Variants in SMYD3 observed in about 807,000 individuals in gnomAD.
The protein encoded by SMYD3 is SET and MYND domain containing 3, also known as histone-lysine N-methyltransferase SMYD3.
In SMYD3, 36 loss-of-function variants were observed where a neutral mutation model predicts 57.7. That is an observed-to-expected ratio of 0.62 (90% CI 0.48 to 0.82). SMYD3 has a LOEUF of 0.82. Among genes scored for constraint, SMYD3 ranks in the 40% least tolerant of loss-of-function variants. SMYD3 has a pLI of 0.00. For missense variants in SMYD3, 515 were observed against 538.8 expected, an observed-to-expected ratio of 0.96 and a Z score of 0.44; for synonymous variants, 211 against 195.0, an observed-to-expected ratio of 1.08 and a Z score of -0.68.
chr1:246,045,212 T>G lies in SMYD3; in HGVS notation c.532-115275A>C, dbSNP rs187971099. On this transcript the variant is annotated intron_variant, in intron 5 of 11. Coordinates refer to ENST00000490107, the MANE Select transcript of SMYD3 (RefSeq NM_001167740.2). ...CAAAAGAACAAAGCTGGAGGCATCATGCTACCTGACTTCAAACTATATTAT... is the reference window on the plus strand; with the variant it reads ...CAAAAGAACAAAGCTGGAGGCATCAGGCTACCTGACTTCAAACTATATTAT... Among the ~76,000 whole-genome samples the G allele has an allele frequency of 9.8e-4, 149 of 152,296 alleles. 1 individual carries two copies. The East Asian group carries it at 0.011, about 11-fold the overall frequency.
At chr1:245,944,400 A>G (rs934319710) in intron 5 of SMYD3, among the ~76,000 whole-genome samples, 1 of 152,236 alleles carries the variant, frequency 6.6e-6, no homozygotes, top group Non-Finnish European at 1.5e-5. Flanking sequence ...TAATTGCTAC[A>G]AAGAGAATAA....
intron 5 of SMYD3, among the ~76,000 whole-genome samples, chr1:246,136,936 A>T (rs1572089454): frequency 6.6e-6 from 1 of 152,220 alleles, no homozygotes; most frequent in South Asian, 2.1e-4. Flanking sequence ...GAGTTCACGG[A>T]AAGTTTTTAA....
At chr1:246,254,013 T>A (rs2063838255) in intron 5 of SMYD3, among the ~76,000 whole-genome samples, 1 of 152,176 alleles carries the variant, frequency 6.6e-6, no homozygotes. Context: ...CACCAAAATC[T>A]GTTGTTTTTT....
At chr1:246,282,492 C>T (rs1319745323) in intron 5 of SMYD3, among the ~76,000 whole-genome samples, 1 of 150,360 alleles carries the variant, frequency 6.7e-6, no homozygotes, top group African/African-American at 2.4e-5. Flanking sequence ...GGCAACAGGG[C>T]AAGACCCTGT....
intron 10 of SMYD3, among the ~76,000 whole-genome samples, chr1:245,819,063 C>T (rs1246826572): frequency 8.3e-6 from 1 of 120,826 alleles, no homozygotes; most frequent in Non-Finnish European, 1.7e-5. Flanking sequence ...ATCTACAGAA[C>T]TCTCCACCCC....
chr1:246,448,704 T>TAAAAAAAAAAAA (rs1553349829), intron 1 of SMYD3, among the ~76,000 whole-genome samples: 1 of 81,436 alleles, frequency 1.2e-5, no homozygotes, highest in Non-Finnish European at 2.3e-5. Flanking sequence ...CTCTTTTTTT[T>TAAAAAAAAAAAA]AAAAAAAAAA....
At chr1:246,410,906 T>C (rs1032916767) in intron 1 of SMYD3, among the ~76,000 whole-genome samples, 2 of 152,248 alleles carry the variant, frequency 1.3e-5, no homozygotes, top group African/African-American at 4.8e-5. Context: ...TGGGAGAGTG[T>C]ATGTGTCGAG....
At chr1:246,035,294 T>C (rs934776371) in intron 5 of SMYD3, 1 of 152,230 alleles carries the variant, frequency 6.6e-6, no homozygotes, top group African/African-American at 2.4e-5. Flanking sequence ...GCTTTCAGAA[T>C]GGCGTTTATG....
At chr1:246,130,921 T>C (rs2061577654) in intron 5 of SMYD3, among the ~76,000 whole-genome samples, 1 of 152,148 alleles carries the variant, frequency 6.6e-6, no homozygotes, top group South Asian at 2.1e-4. Flanking sequence ...AACTTCATAC[T>C]AGAGCACTGA....
At chr1:246,150,100 T>C (rs188461849) in intron 5 of SMYD3, among the ~76,000 whole-genome samples, 2 of 152,370 alleles carry the variant, frequency 1.3e-5, no homozygotes, top group South Asian at 2.1e-4. Flanking sequence ...ACAGTAACAT[T>C]TGGCATAAAC....
intron 10 of SMYD3, among the ~76,000 whole-genome samples, chr1:245,775,262 T>C (rs2046530296): frequency 6.6e-6 from 1 of 151,938 alleles, no homozygotes; most frequent in African/African-American, 2.4e-5. Context: ...GATGGCGGTT[T>C]TGTCGAGTGG....
chr1:246,493,359 A>G (rs1019125701), intron 1 of SMYD3, among the ~76,000 whole-genome samples: 4 of 152,160 alleles, frequency 2.6e-5, no homozygotes, highest in African/African-American at 9.7e-5. Flanking sequence ...TAGCAAATAC[A>G]TAAATGGTTT....
chr1:246,257,455 G>T (rs568206663), intron 5 of SMYD3, among the ~76,000 whole-genome samples: 1 of 152,124 alleles, frequency 6.6e-6, no homozygotes, highest in Non-Finnish European at 1.5e-5. Context: ...TTTATCTGAT[G>T]TAAGAATAGC....
At chr1:245,775,574 C>G (rs184049204) in intron 10 of SMYD3, among the ~76,000 whole-genome samples, 1 of 151,392 alleles carries the variant, frequency 6.6e-6, no homozygotes, top group African/African-American at 2.4e-5. Context: ...ACAAACACTG[C>G]GGAAGGCCGC....
chr1:246,485,294 A>G (rs536319397), intron 1 of SMYD3, among the ~76,000 whole-genome samples: 4 of 152,356 alleles, frequency 2.6e-5, no homozygotes, highest in East Asian at 1.9e-4. Context: ...ACCTGAAAAC[A>G]TATCACTTCA....
intron 1 of SMYD3, among the ~76,000 whole-genome samples, chr1:246,478,619 G>A (rs55789719): frequency 0.041 from 3,303 of 79,966 alleles, 947 homozygotes; most frequent in African/African-American, 0.24. Context: ...GAGCTGGTAC[G>A]TAAGTGCTCA....
chr1:246,103,178 A>G (rs1316659611), intron 5 of SMYD3, among the ~76,000 whole-genome samples: 1 of 152,254 alleles, frequency 6.6e-6, no homozygotes, highest in South Asian at 2.1e-4. Flanking sequence ...CTAAAGGTCT[A>G]TATCAGAAAA....
intron 5 of SMYD3, among the ~76,000 whole-genome samples, chr1:246,110,736 T>C (rs574560345): frequency 2.0e-5 from 3 of 152,232 alleles, no homozygotes; most frequent in African/African-American, 4.8e-5. Context: ...TATGGCTACA[T>C]AGCTGTTTAT....
In SMYD3 at chr1:246,155,071, G is replaced by A. The variant is rs546144547; in HGVS notation, c.531+172130C>T. Among the ~76,000 whole-genome samples, 37 of 152,140 alleles carry A rather than the reference G, an allele frequency of 2.4e-4. No individual in the cohort carries two copies. The East Asian group carries it at 6.6e-3, about 27-fold the overall frequency. On this transcript the variant is annotated intron_variant, in intron 5 of 11. Coordinates refer to ENST00000490107, the MANE Select transcript of SMYD3 (RefSeq NM_001167740.2). Reference sequence around the variant, plus strand: ...GCTGGGATTACAGGCATGAGCCACCGTGCCTGGCCCAAAACAAACAGTATA... The same window carrying A: ...GCTGGGATTACAGGCATGAGCCACCATGCCTGGCCCAAAACAAACAGTATA...
Sources: gnomAD v4.1 joint callset for allele counts (sites outside exome capture counted in the v4.1 genomes callset) on GRCh38, gnomAD v4.1.1 for gene constraint, MANE v1.5 for transcripts, NCBI Gene and HGNC (gene_info 2026-07-23, HGNC 2026-07-21) for gene names.